TNXB: variants seen among roughly 807,000 people sequenced by gnomAD.
TNXB encodes tenascin-X.
TNXB carries 183 observed loss-of-function variants against 340.5 expected under a neutral mutation model. That is an observed-to-expected ratio of 0.54 (90% CI 0.48 to 0.61). The LOEUF (loss-of-function observed/expected upper bound fraction) is 0.61. TNXB is among the 20% of genes least tolerant of loss of function. The pLI is 0.00. For synonymous variants in TNXB, 2,121 were observed against 2,314.5 expected, an observed-to-expected ratio of 0.92 and a Z score of 2.40; for missense variants, 4,613 against 5,446.4, an observed-to-expected ratio of 0.85 and a Z score of 4.82.
At position 32,086,098 on chromosome 6, in the gene TNXB, A is replaced by G. The variant is rs1302959229; in HGVS notation, c.2800T>C (p.Leu934=). 4 of 1,550,792 alleles carry G rather than the reference A, an allele frequency of 2.6e-6. No homozygotes were observed. Among genetic ancestry groups the G allele is most frequent in the East Asian group, 2.4e-5 (1 of 42,234 alleles). The stretch of plus-strand genomic sequence containing the variant: ...GGAGGAGGCTCATCGGTAGTCCCCA[A>G]GAGGCCCAAGGGTGAGGACCCTGGG... The part of the protein sequence containing the change: ...ANTGSSPLGL[L]GTTDEPPPSG... The change falls in exon 7 of 44, where the codon TTG becomes CTG. Residue 934 remains leucine (L), a synonymous_variant. Transcript: ENST00000644971.
Position 32,057,663 on chromosome 6 carries a change from T to C in TNXB, c.7825+395A>G, listed in dbSNP as rs116700431. On this transcript the variant is annotated intron_variant, in intron 22 of 43. Transcript: ENST00000644971. ...CCGTAAAGGACACCCCACTCAATCCTCAGTGCCTCTCACGTGCCATGCTCT... is the reference window on the plus strand; with the variant it reads ...CCGTAAAGGACACCCCACTCAATCCCCAGTGCCTCTCACGTGCCATGCTCT... 8.1e-3 allele frequency among the ~76,000 whole-genome samples: 1,236 copies of C among 152,304 alleles called. 19 individuals carry two copies. The highest frequency in any genetic ancestry group is 0.028 in the African/African-American group (1,155 of 41,554).
At position 32,068,686 on chromosome 6, in the gene TNXB, G is replaced by A. The variant is rs775255623; in HGVS notation, c.5924C>T (p.Ser1975Leu). The A allele has an allele frequency of 6.2e-7, 1 of 1,613,760 alleles. No individual in the cohort carries two copies. Among genetic ancestry groups the A allele is most frequent in the South Asian group, 1.1e-5 (1 of 91,072 alleles). ...CTCGGGGGTTGCGGTGGGAGGTTCT[G>A]AAGGCTTCTCCTCCTCCGGGACTGG... is the stretch of plus-strand genomic sequence containing the variant. Reference protein sequence around the residue: ...ALTVPEEEKPSEPPTATPEPP... With the variant: ...ALTVPEEEKPLEPPTATPEPP... The change falls in exon 17 of 44, where the codon TCA becomes TTA. Residue 1975 changes from serine to leucine, a missense_variant. Transcript: ENST00000644971. This position sits in a 1 kb window ranked among gnomAD's most constrained non-coding sequence, Gnocchi z 5.3.
At chr6:32,056,525 C>CA in intron 23 of TNXB, 61 bp downstream of exon 23, 1 of 1,582,410 alleles carries the variant, frequency 6.3e-7, no homozygotes, top group South Asian at 1.1e-5. Flanking sequence ...CAGTCATCAC[C>CA]AAAGAGCAAG....
chr6:32,072,328 T>G lies in TNXB; in HGVS notation c.4682-30A>C. 6.4e-7 allele frequency: 1 copy of G among 1,561,414 alleles called. No homozygotes were observed. The highest frequency in any genetic ancestry group is 8.7e-7 in the Non-Finnish European group (1 of 1,151,578). On this transcript the variant is annotated intron_variant, in intron 12 of 43. Transcript: ENST00000644971. The surrounding 1 kb of genome is among the most constrained non-coding windows in gnomAD (Gnocchi z 4.4). ...GATTTGGGAAGACAAAGAACATGGT[T>G]GAGATCTCTGAGGGGAGAACCCCTG...
rs550527920 is a variant in TNXB, at chr6:32,049,554, G to A, written c.9473C>T (p.Thr3158Ile). Residue 3158 changes from threonine to isoleucine, a missense_variant, in exon 28 of 44, where the codon ACT becomes ATT. Around this residue, in one of 7 missense-constraint regions of TNXB, gnomAD observed 4,327 missense variants for 4,859.4 expected, o/e 0.89. Transcript: ENST00000644971. The surrounding 1 kb of genome is among the most constrained non-coding windows in gnomAD (Gnocchi z 4.5). ...CTCCTCAGGGGCCTCCGGGGCCTCA[G>A]TGCTGGGTTCTGTGGGGCTGGGGGT... ...EETPSPTEPS[T>I]EAPEAPEEPL... 2.2e-5 allele frequency: 36 copies of A among 1,612,524 alleles called. No homozygotes were observed. The highest frequency in any genetic ancestry group is 5.3e-5 in the African/African-American group (4 of 75,034).
rs1450654137 is a variant in TNXB, at chr6:32,043,082, C to G, written c.11795-1G>C. ...TCCAAGTCCCGAGGGGCCTCTAGCC[C>G]TAGGAGGGAAAGCAGGAAGAGGAGA... On this transcript the variant is annotated splice_acceptor_variant, in intron 37 of 43. Transcript: ENST00000644971. LOFTEE classifies it high-confidence loss of function. 5.2e-6 allele frequency: 1 copy of G among 191,884 alleles called. No individual in the cohort carries two copies. The allele number at this position is 191,884 out of a possible 1,614,324, so 11.9% of individuals were successfully genotyped here.
At position 32,046,250 on chromosome 6, in the gene TNXB, T is replaced by C. The variant is rs1355743559; in HGVS notation, c.10531A>G (p.Lys3511Glu). The C allele has an allele frequency of 6.2e-7, 1 of 1,605,308 alleles. No homozygotes were observed. The highest frequency in any genetic ancestry group is 1.1e-5 in the South Asian group (1 of 89,484). ...CCGTAGAGCAGAAACTTGTATTTCT[T>C]GCCAGGCTCCAGGTCCTCTACGGTG... ...TVTVEDLEPG[K>E]KYKFLLYGLL... The change falls in exon 31 of 44, where the codon AAG (lysine) becomes GAG (glutamate). Residue 3511 changes from lysine (K) to glutamate (E), a missense_variant. Lys to Glu is a moderately conservative substitution (Grantham distance 56, BLOSUM62 1). Coordinates refer to ENST00000644971, the MANE Select transcript of TNXB (RefSeq NM_001365276.2). This position sits in a 1 kb window ranked among gnomAD's most constrained non-coding sequence, Gnocchi z 6.9.
chr6:32,063,209 G>A (rs772003383), intron 19 of TNXB, among the ~76,000 whole-genome samples: 1 of 152,020 alleles, frequency 6.6e-6, no homozygotes, highest in African/African-American at 2.4e-5. Context: ...CCAACATGGC[G>A]AAATCCTGTC....
rs1386695678 is a variant in TNXB at position 32,089,364 on chromosome 6, G to A, written c.2374C>T (p.Pro792Ser). 1.2e-6 allele frequency: 2 copies of A among 1,607,060 alleles called. No homozygotes were observed. The highest frequency in any genetic ancestry group is 1.7e-6 in the Non-Finnish European group (2 of 1,177,846). Reference protein sequence around the residue: ...QFIPTTEGASPPFTARVPSSA... With the variant: ...QFIPTTEGASSPFTARVPSSA... ...CTTGGAACCCGTGCTGTGAATGGGG[G>A]GCTCGCCCCCTCTGTCTGTGAGAGA... The change falls in exon 5 of 44, where the codon CCC becomes TCC. Residue 792 changes from proline to serine, a missense_variant. Pro to Ser is a moderately conservative substitution (Grantham distance 74). Transcript: ENST00000644971. This position sits in a 1 kb window ranked among gnomAD's most constrained non-coding sequence, Gnocchi z 6.2.
rs933950233 is a variant in TNXB at position 32,072,574 on chromosome 6, G to C, written c.4682-276C>G. 6.6e-6 allele frequency among the ~76,000 whole-genome samples: 1 copy of C among 152,202 alleles called. No individual in the cohort carries two copies. The highest frequency in any genetic ancestry group is 1.5e-5 in the Non-Finnish European group (1 of 68,040). The stretch of plus-strand genomic sequence containing the variant: ...TAAAATACCTTTTATATCCATCACT[G>C]CTTCTAAATTTTGTAGTTTAGTAAA... On this transcript the variant is annotated intron_variant, in intron 12 of 43. Coordinates refer to ENST00000644971, the MANE Select transcript of TNXB (RefSeq NM_001365276.2). This position sits in a 1 kb window ranked among gnomAD's most constrained non-coding sequence, Gnocchi z 4.4.
chr6:32,091,694 A>G (rs1218666219), intron 4 of TNXB, among the ~76,000 whole-genome samples: 2 of 147,522 alleles, frequency 1.4e-5, no homozygotes, highest in East Asian at 2.1e-4. Flanking sequence ...GGCTGTTCTC[A>G]AACTCCTGAC....
Position 32,070,387 on chromosome 6 carries a change from G to A in TNXB, c.5018C>T (p.Ala1673Val). 6.3e-7 allele frequency: 1 copy of A among 1,595,812 alleles called. No individual in the cohort carries two copies. The highest frequency in any genetic ancestry group is 8.6e-7 in the Non-Finnish European group (1 of 1,169,314). The change falls in exon 14 of 44, where the codon GCC (alanine) becomes GTC (valine). Residue 1673 changes from alanine to valine, a missense_variant. Physicochemically the swap from Ala to Val is moderately conservative, Grantham distance 64. Around this residue, in one of 7 missense-constraint regions of TNXB, gnomAD observed 4,327 missense variants for 4,859.4 expected, o/e 0.89. Transcript: ENST00000644971. The surrounding 1 kb of genome is among the most constrained non-coding windows in gnomAD (Gnocchi z 6.0). ...CCACAGCTCCCCAAGGCGGGGTGGGGCCCCTGGGCTGGCGTCACCTCGGGC... is the reference window on the plus strand; with the variant it reads ...CCACAGCTCCCCAAGGCGGGGTGGGACCCCTGGGCTGGCGTCACCTCGGGC... ...TVARGDASPG[A>V]PPRLGELWVT... is the part of the protein sequence containing the mutation.
intron 1 of TNXB, among the ~76,000 whole-genome samples, chr6:32,107,476 G>A (rs1781040710): frequency 6.6e-6 from 1 of 151,998 alleles, no homozygotes; most frequent in Non-Finnish European, 1.5e-5. Flanking sequence ...TCTTCTCTCG[G>A]TACTGGGCAA....
Position 32,049,518 on chromosome 6 carries a change from C to G in TNXB, c.9509G>C (p.Gly3170Ala), listed in dbSNP as rs771567147. The change falls in exon 28 of 44, where the codon GGG becomes GCG. Residue 3170 changes from glycine to alanine, a missense_variant. By Grantham distance (60) the Gly-to-Ala change is moderately conservative (BLOSUM62 0). Transcript: ENST00000644971. The surrounding 1 kb of genome is among the most constrained non-coding windows in gnomAD (Gnocchi z 4.5). ...APEAPEEPLL[G>A]ELTVTGSSPD... ...GGAGGATCCTGTCACTGTCAACTCC[C>G]CCAGGAGCGGCTCCTCAGGGGCCTC... 5.0e-6 allele frequency: 8 copies of G among 1,612,584 alleles called. No homozygotes were observed. Among genetic ancestry groups the G allele is most frequent in the Non-Finnish European group, 6.8e-6 (8 of 1,179,862 alleles).
In TNXB at chr6:32,043,397, C is replaced by A. The variant is rs1426157336; in HGVS notation, c.11650+40G>T. On this transcript the variant is annotated intron_variant, in intron 36 of 43. Coordinates refer to ENST00000644971, the MANE Select transcript of TNXB (RefSeq NM_001365276.2). The stretch of plus-strand genomic sequence containing the variant: ...TCCAGCCTCCCCCCTGCAATCCCCA[C>A]CCTGAACAAGTCCCCTCCAGAGGCC... The A allele has an allele frequency of 4.5e-5, 21 of 471,446 alleles. No individual in the cohort carries two copies. In the African/African-American group the frequency reaches 1.1e-3, roughly 25 times the overall value. The allele number at this position is 471,446 out of a possible 1,614,324, so 29.2% of individuals were successfully genotyped here.
chr6:32,086,367 C>T (rs1582452722), intron 6 of TNXB, among the ~76,000 whole-genome samples: 1 of 152,326 alleles, frequency 6.6e-6, no homozygotes, highest in African/African-American at 2.4e-5. Flanking sequence ...TGCTATCCTT[C>T]ACCCCACAAG....
At position 32,087,218 on chromosome 6, in the gene TNXB, G is replaced by T; in HGVS notation, c.2780-1100C>A. ...CCAACGGCAGGTGAGGCTGGACAAG[G>T]GATAGGTGTCCCGTGGCCCCAGCCC... On this transcript the variant is annotated intron_variant, in intron 6 of 43. Transcript: ENST00000644971. This position sits in a 1 kb window ranked among gnomAD's most constrained non-coding sequence, Gnocchi z 9.0. 2.1e-6 allele frequency: 1 copy of T among 485,888 alleles called. No homozygotes were observed. Among genetic ancestry groups the T allele is most frequent in the Middle Eastern group, 3.2e-4 (1 of 3,104 alleles). The allele number at this position is 485,888 out of a possible 1,614,324, so 30.1% of individuals were successfully genotyped here. A position where few individuals can be genotyped will look rare whatever the true frequency, so the allele number is the denominator to read the frequency against.
intron 11 of TNXB, among the ~76,000 whole-genome samples, chr6:32,078,023 A>C (rs1318055321): frequency 1.3e-5 from 2 of 150,452 alleles, no homozygotes; most frequent in African/African-American, 4.9e-5. Flanking sequence ...CTCAAAAAAC[A>C]GAAAGAAAGG....
Position 32,069,160 on chromosome 6 carries a change from A to G in TNXB, c.5588-24T>C, listed in dbSNP as rs1338284787. ...GGCTGGTTCACAGAGACAGGTAGAG[A>G]CAGATGGCTGGTGTGTCGCTGCACC... is the stretch of plus-strand genomic sequence containing the variant. On this transcript the variant is annotated intron_variant, in intron 15 of 43. Transcript: ENST00000644971. This position sits in a 1 kb window ranked among gnomAD's most constrained non-coding sequence, Gnocchi z 6.2. 1.3e-6 allele frequency: 2 copies of G among 1,585,942 alleles called. No individual in the cohort carries two copies. Among genetic ancestry groups the G allele is most frequent in the Non-Finnish European group, 1.7e-6 (2 of 1,168,520 alleles).
Sources: gnomAD v4.1 joint callset for allele counts (sites outside exome capture counted in the v4.1 genomes callset) on GRCh38, gnomAD v4.1.1 for gene constraint, gnomAD v4.1.1 regional missense constraint, Gnocchi (gnomAD v3.1) non-coding constraint, MANE v1.5 for transcripts, NCBI Gene and HGNC (gene_info 2026-07-23, HGNC 2026-07-21) for gene names.